The following CASS4 variants were observed in gnomAD, a reference collection of about 807,000 sequenced individuals.
CASS4 encodes Cas scaffold protein family member 4, also known as cas scaffolding protein family member 4.
In CASS4, 22 loss-of-function variants were observed where a neutral mutation model predicts 54.2. That is an observed-to-expected ratio of 0.41 (90% CI 0.29 to 0.58). The LOEUF is 0.58. CASS4 is among the 20% of genes least tolerant of loss of function. CASS4 has a pLI of 0.36. For missense variants in CASS4, 854 were observed against 986.7 expected (o/e 0.87, Z 1.80); for synonymous variants, 409 against 391.5 (o/e 1.04, Z -0.53).
rs117467809 is a variant in CASS4 at position 56,417,608 on chromosome 20, C to T, written c.36+5114C>T. ...TTACTCAGTGCTGCATCTCCGGTGCCTACAACAGTGCCTGCACAAAGTAGT... is the reference window on the plus strand; with the variant it reads ...TTACTCAGTGCTGCATCTCCGGTGCTTACAACAGTGCCTGCACAAAGTAGT... On this transcript the variant is annotated intron_variant, in intron 1 of 5. Transcript: ENST00000679887. Among the ~76,000 whole-genome samples the T allele has an allele frequency of 8.5e-5, 13 of 152,356 alleles. No individual in the cohort carries two copies. In the East Asian group the frequency reaches 2.5e-3, roughly 29 times the overall value.
intron 1 of CASS4, among the ~76,000 whole-genome samples, chr20:56,419,674 G>C (rs1979324083): frequency 6.6e-6 from 1 of 151,804 alleles, no homozygotes; most frequent in African/African-American, 2.4e-5. Context: ...TAAGTGATTG[G>C]CCCACCTCAG....
chr20:56,432,074 G>A (rs1025068344), intron 1 of CASS4, among the ~76,000 whole-genome samples: 2 of 152,104 alleles, frequency 1.3e-5, no homozygotes, highest in Non-Finnish European at 2.9e-5. Flanking sequence ...AGATCGTTGA[G>A]GATACTTGTC....
intron 1 of CASS4, among the ~76,000 whole-genome samples, chr20:56,433,167 G>A (rs1055798690): frequency 6.6e-6 from 1 of 152,226 alleles, no homozygotes; most frequent in Non-Finnish European, 1.5e-5. Flanking sequence ...GAACCCTAAT[G>A]TGACACGTAC....
At position 56,452,260 on chromosome 20, in the gene CASS4, G is replaced by C. The variant is rs758270758; in HGVS notation, c.1084G>C (p.Ala362Pro). 1 of 1,614,014 alleles carries C rather than the reference G, an allele frequency of 6.2e-7. No homozygotes were observed. The highest frequency in any genetic ancestry group is 2.2e-5 in the East Asian group (1 of 44,892). Residue 362 changes from alanine to proline, a missense_variant, in exon 5 of 6, where the codon GCT (alanine) becomes CCT (proline). Physicochemically the swap from Ala to Pro is conservative, Grantham distance 27. Coordinates refer to ENST00000679887, the MANE Select transcript of CASS4 (RefSeq NM_020356.4). ...IPKATSSVSQ[A>P]GKELEKAKEV... is the part of the protein sequence containing the mutation. ...TAAAGCAACGTCGAGTGTTTCTCAGGCTGGGAAGGAGCTGGAGAAAGCCAA... is the reference window on the plus strand; with the variant it reads ...TAAAGCAACGTCGAGTGTTTCTCAGCCTGGGAAGGAGCTGGAGAAAGCCAA...
At chr20:56,428,058 C>G (rs1434446941) in intron 1 of CASS4, among the ~76,000 whole-genome samples, 1 of 152,180 alleles carries the variant, frequency 6.6e-6, no homozygotes, top group African/African-American at 2.4e-5. Flanking sequence ...TATTTACCAC[C>G]TCCCACTATG....
chr20:56,418,770 T>TA (rs1414540903), intron 1 of CASS4, among the ~76,000 whole-genome samples: 1 of 152,210 alleles, frequency 6.6e-6, no homozygotes, highest in African/African-American at 2.4e-5. Context: ...TTATGTGTGT[T>TA]ACGTTTGATT....
At position 56,412,299 on chromosome 20, in the gene CASS4, T is replaced by A. The variant is rs1024358561; in HGVS notation, c.-160T>A. On this transcript the variant is annotated 5_prime_UTR_variant, in exon 1 of 6. Coordinates refer to ENST00000679887, the MANE Select transcript of CASS4 (RefSeq NM_020356.4). This position sits in a 1 kb window ranked among gnomAD's most constrained non-coding sequence, Gnocchi z 4.2. ...CGTGCTTTCCAGAAAGTTTGCCTGCTGGGAGAGTCTTTTTGATCGTTTCCC... is the reference window on the plus strand; with the variant it reads ...CGTGCTTTCCAGAAAGTTTGCCTGCAGGGAGAGTCTTTTTGATCGTTTCCC... 4.3e-5 allele frequency: 33 copies of A among 772,266 alleles called. No individual in the cohort carries two copies. The highest frequency in any genetic ancestry group is 7.1e-5 in the Non-Finnish European group (33 of 468,032). 47.8% of individuals were successfully genotyped at this position (772,266 alleles called of 1,614,324 possible).
intron 1 of CASS4, among the ~76,000 whole-genome samples, chr20:56,436,360 G>GTGTATA (rs560837211): frequency 6.5e-5 from 9 of 137,860 alleles, no homozygotes; most frequent in South Asian, 2.3e-4. Flanking sequence ...GTGTGTGTGT[G>GTGTATA]TATATATATA....
intron 1 of CASS4, among the ~76,000 whole-genome samples, chr20:56,424,172 A>G (rs1979534231): frequency 6.6e-6 from 1 of 152,214 alleles, no homozygotes; most frequent in African/African-American, 2.4e-5. Flanking sequence ...ACCTCATTAA[A>G]AGAATTCAAA....
intron 2 of CASS4, among the ~76,000 whole-genome samples, chr20:56,443,538 G>C (rs372069487): frequency 4.7e-5 from 7 of 148,384 alleles, no homozygotes; most frequent in African/African-American, 1.8e-4. Flanking sequence ...TGTCCACCTA[G>C]ACCAATCAGC....
In CASS4 at chr20:56,437,724, G is replaced by A. The variant is rs1304457368; in HGVS notation, c.459+138G>A. The A allele has an allele frequency of 6.3e-6, 5 of 799,716 alleles. No homozygotes were observed. The East Asian group carries it at 8.7e-5, about 14-fold the overall frequency. 49.5% of individuals were successfully genotyped at this position (799,716 alleles called of 1,614,324 possible). A position where few individuals can be genotyped will look rare whatever the true frequency, so the allele number is the denominator to read the frequency against. ...CCAGATTGCTGGCAATCACGCTCGG[G>A]GAGCTTGTGTGCCAGGTTGGGATGG... On this transcript the variant is annotated intron_variant, in intron 2 of 5. Transcript: ENST00000679887. The surrounding 1 kb of genome is among the most constrained non-coding windows in gnomAD (Gnocchi z 4.7).
intron 2 of CASS4, among the ~76,000 whole-genome samples, chr20:56,438,663 C>T (rs1240225879): frequency 6.6e-6 from 1 of 152,112 alleles, no homozygotes; most frequent in Non-Finnish European, 1.5e-5. Context: ...TCGAGACCAG[C>T]CTGGCCAACA....
At chr20:56,438,955 T>C (rs150901483) in intron 2 of CASS4, among the ~76,000 whole-genome samples, 1 of 152,350 alleles carries the variant, frequency 6.6e-6, no homozygotes, top group Non-Finnish European at 1.5e-5. Context: ...AAGAACATGC[T>C]CCAGGCATAG....
At chr20:56,419,055 C>G (rs1242206942) in intron 1 of CASS4, among the ~76,000 whole-genome samples, 1 of 152,068 alleles carries the variant, frequency 6.6e-6, no homozygotes, top group Non-Finnish European at 1.5e-5. Context: ...CTTAAAAGGT[C>G]TGAGAATAGA....
At chr20:56,423,914 T>C (rs1393769628) in intron 1 of CASS4, among the ~76,000 whole-genome samples, 1 of 152,214 alleles carries the variant, frequency 6.6e-6, no homozygotes, top group Non-Finnish European at 1.5e-5. Context: ...GTTAAGTAAC[T>C]TTCAGATCAT....
At chr20:56,417,863 A>G (rs372452210) in intron 1 of CASS4, among the ~76,000 whole-genome samples, 12 of 152,342 alleles carry the variant, frequency 7.9e-5, no homozygotes, top group African/African-American at 2.2e-4. Flanking sequence ...CTCCTTGTCC[A>G]TGGTCAGATG....
At chr20:56,426,908 G>A (rs1272947186) in intron 1 of CASS4, among the ~76,000 whole-genome samples, 2 of 152,150 alleles carry the variant, frequency 1.3e-5, no homozygotes, top group Non-Finnish European at 1.5e-5. Flanking sequence ...GTTAGTTATA[G>A]GAAAATAATA....
chr20:56,451,469 G>A (rs1980991817), intron 4 of CASS4, among the ~76,000 whole-genome samples: 2 of 150,792 alleles, frequency 1.3e-5, no homozygotes, highest in African/African-American at 2.5e-5. Context: ...GTGTCAGGGG[G>A]ATGCATAGGG....
chr20:56,427,333 T>C (rs1979691349), intron 1 of CASS4, among the ~76,000 whole-genome samples: 1 of 152,132 alleles, frequency 6.6e-6, no homozygotes, highest in Non-Finnish European at 1.5e-5. Flanking sequence ...TTGGAGAATG[T>C]AGGTGGGAAA....
Sources: allele counts gnomAD v4.1 joint callset (sites outside exome capture counted in the v4.1 genomes callset), GRCh38; gene constraint gnomAD v4.1.1; non-coding constraint Gnocchi (gnomAD v3.1); transcripts MANE v1.5; gene names NCBI Gene and HGNC (gene_info 2026-07-23, HGNC 2026-07-21).